The following AGBL4 variants were observed in gnomAD, a reference collection of about 807,000 sequenced individuals.
AGBL4 encodes AGBL carboxypeptidase 4.
AGBL4 carries 58 observed loss-of-function variants against 66.4 expected under a neutral mutation model. The ratio of observed to expected loss-of-function variants is 0.87; its 90% CI spans 0.71 to 1.09. The LOEUF is 1.09. Among genes scored for constraint, AGBL4 ranks in the 50% least tolerant of loss-of-function variants. AGBL4 has a pLI of 0.00. For missense variants in AGBL4, 579 were observed against 631.0 expected (o/e 0.92, Z 0.88); for synonymous variants, 234 against 222.9 (o/e 1.05, Z -0.44).
intron 6 of AGBL4, among the ~76,000 whole-genome samples, chr1:48,801,705 G>T (rs1645812578): frequency 6.6e-6 from 1 of 152,060 alleles, no homozygotes; most frequent in Admixed American, 6.6e-5. Flanking sequence ...CAGTTTTTTG[G>T]CTGTCTTGTG....
chr1:48,883,933 A>G (rs1650038322), intron 5 of AGBL4, among the ~76,000 whole-genome samples: 1 of 152,168 alleles, frequency 6.6e-6, no homozygotes, highest in South Asian at 2.1e-4. Context: ...ACAAACAAAC[A>G]AACAAAAAAC....
intron 3 of AGBL4, among the ~76,000 whole-genome samples, chr1:49,288,380 AG>A (rs1253068226): frequency 1.3e-5 from 2 of 151,980 alleles, no homozygotes; most frequent in Non-Finnish European, 2.9e-5. Context: ...AAAAAAAGAA[AG>A]AAAGTACCAG....
chr1:49,435,198 T>C (rs1570709798), intron 3 of AGBL4, among the ~76,000 whole-genome samples: 1 of 152,186 alleles, frequency 6.6e-6, no homozygotes, highest in Admixed American at 6.5e-5. Flanking sequence ...ATATGCTCCA[T>C]GGTACCAGAA....
chr1:49,016,494 GAGAGTGCCGGAGTTTTGACATTGTA>G (rs1370510540), intron 5 of AGBL4, among the ~76,000 whole-genome samples: 1 of 152,146 alleles, frequency 6.6e-6, no homozygotes, highest in African/African-American at 2.4e-5. Flanking sequence ...TCAGTCACTT[GAGAGTGCCGGAGTTTTGACATTGTA>G]AGAGGAAGAA....
At chr1:48,906,086 A>C (rs1218978850) in intron 5 of AGBL4, among the ~76,000 whole-genome samples, 1 of 152,236 alleles carries the variant, frequency 6.6e-6, no homozygotes, top group Non-Finnish European at 1.5e-5. Flanking sequence ...GAAGAAAGAT[A>C]TAATGGGTGT....
At chr1:48,846,419 AAG>A (rs1168129496) in intron 6 of AGBL4, among the ~76,000 whole-genome samples, 3 of 147,516 alleles carry the variant, frequency 2.0e-5, no homozygotes, top group East Asian at 2.0e-4. Context: ...GAAAGAAAGA[AAG>A]AAATTCATTT....
rs573423395 is a variant in AGBL4, at chr1:49,283,532, G to A, written c.283-37668C>T. 1.8e-3 allele frequency among the ~76,000 whole-genome samples: 279 copies of A among 152,324 alleles called. 4 individuals are homozygous for A. Among genetic ancestry groups the A allele is most frequent in the African/African-American group, 6.3e-3 (261 of 41,568 alleles). On this transcript the variant is annotated intron_variant, in intron 3 of 13. Coordinates refer to ENST00000371839, the MANE Select transcript of AGBL4 (RefSeq NM_032785.4). ...AAGCTGGATGGAGAATGACTTTGACGAGCTGAGAGAGGAAGGCTTCAGACG... is the reference window on the plus strand; with the variant it reads ...AAGCTGGATGGAGAATGACTTTGACAAGCTGAGAGAGGAAGGCTTCAGACG...
chr1:48,540,749 C>G (rs1193896025), intron 11 of AGBL4, among the ~76,000 whole-genome samples: 2 of 152,124 alleles, frequency 1.3e-5, no homozygotes, highest in African/African-American at 4.8e-5. Flanking sequence ...GTCACTAACC[C>G]TTCTCCAAGA....
chr1:49,680,986 T>C (rs1270901970), intron 3 of AGBL4, among the ~76,000 whole-genome samples: 1 of 152,130 alleles, frequency 6.6e-6, no homozygotes, highest in Non-Finnish European at 1.5e-5. Context: ...CTTTCCTTTG[T>C]CCTCCCCATT....
chr1:48,765,589 T>C (rs7553454), intron 6 of AGBL4, among the ~76,000 whole-genome samples: 28,723 of 152,022 alleles, frequency 0.19, 3,231 homozygotes, highest in East Asian at 0.39. Flanking sequence ...AATGAAAACA[T>C]ATACCCAAAC....
At chr1:49,338,560 C>T (rs1232161710) in intron 3 of AGBL4, among the ~76,000 whole-genome samples, 2 of 152,164 alleles carry the variant, frequency 1.3e-5, no homozygotes, top group Admixed American at 6.5e-5. Context: ...GGGTCCAGAT[C>T]TTTGGCTCAG....
intron 5 of AGBL4, among the ~76,000 whole-genome samples, chr1:48,998,614 T>A (rs1417699874): frequency 6.6e-6 from 1 of 152,130 alleles, no homozygotes; most frequent in African/African-American, 2.4e-5. Flanking sequence ...CCTCTTTCAA[T>A]CATCTAGAAC....
intron 3 of AGBL4, among the ~76,000 whole-genome samples, chr1:49,345,988 T>G (rs1181389805): frequency 6.6e-6 from 1 of 152,156 alleles, no homozygotes; most frequent in Non-Finnish European, 1.5e-5. Flanking sequence ...AGCTCAAAGC[T>G]TAAAAAGTTT....
intron 5 of AGBL4, among the ~76,000 whole-genome samples, chr1:49,022,856 A>G (rs1004702921): frequency 3.3e-5 from 5 of 152,162 alleles, no homozygotes; most frequent in African/African-American, 9.7e-5. Flanking sequence ...TTTGCTAGTC[A>G]CTCATTTAAT....
intron 13 of AGBL4, 82 bp downstream of exon 13, chr1:48,534,808 G>T: frequency 7.2e-7 from 1 of 1,387,894 alleles, no homozygotes; most frequent in Non-Finnish European, 9.9e-7. Context: ...TAACAAGGCT[G>T]CCAGAATAGG....
chr1:49,541,224 CT>C (rs1296779157), intron 3 of AGBL4, among the ~76,000 whole-genome samples: 4 of 152,244 alleles, frequency 2.6e-5, no homozygotes, highest in African/African-American at 9.6e-5. Context: ...TCTGCGCCCA[CT>C]CTGGCCATGC....
chr1:49,884,013 G>A (rs1647729685), intron 1 of AGBL4, among the ~76,000 whole-genome samples: 2 of 152,112 alleles, frequency 1.3e-5, no homozygotes. Flanking sequence ...TAAGGTGGCA[G>A]AGTTATTGTT....
At chr1:49,969,456 G>A (rs143948741) in intron 1 of AGBL4, among the ~76,000 whole-genome samples, 3 of 151,926 alleles carry the variant, frequency 2.0e-5, no homozygotes, top group East Asian at 1.9e-4. Context: ...CATGCTATAC[G>A]GTGTATCTCT....
intron 3 of AGBL4, among the ~76,000 whole-genome samples, chr1:49,387,361 A>G (rs1296184248): frequency 2.0e-5 from 3 of 151,948 alleles, no homozygotes; most frequent in Non-Finnish European, 4.4e-5. Context: ...GCTCTTGATA[A>G]TCATTTATGC....
Sources: gnomAD v4.1 joint callset for allele counts (sites outside exome capture counted in the v4.1 genomes callset) on GRCh38, gnomAD v4.1.1 for gene constraint, MANE v1.5 for transcripts, NCBI Gene and HGNC (gene_info 2026-07-23, HGNC 2026-07-21) for gene names.